The following OCA2 variants were observed in gnomAD, a reference collection of about 807,000 sequenced individuals.
The protein encoded by OCA2 is P protein.
Under a neutral mutation model 100.2 loss-of-function variants are expected in OCA2, and 77 were observed. That is an observed-to-expected ratio of 0.77 (90% CI 0.64 to 0.93). The LOEUF (loss-of-function observed/expected upper bound fraction) is 0.93. OCA2 is among the 40% of genes least tolerant of loss of function. The pLI, the probability that OCA2 is intolerant of heterozygous loss-of-function variation, is 0.00. For missense variants in OCA2, 1,062 were observed against 1,089.1 expected, an observed-to-expected ratio of 0.98 and a Z score of 0.35; for synonymous variants, 432 against 439.2, an observed-to-expected ratio of 0.98 and a Z score of 0.21.
At chr15:27,922,614 AAGAT>A (rs2038897163) in intron 19 of OCA2, among the ~76,000 whole-genome samples, 1 of 152,268 alleles carries the variant, frequency 6.6e-6, no homozygotes, top group South Asian at 2.1e-4. Flanking sequence ...AGGAGTAAAT[AAGAT>A]AGACTAGTAT....
At chr15:27,865,334 T>C in intron 21 of OCA2, among the ~76,000 whole-genome samples, 1 of 152,134 alleles carries the variant, frequency 6.6e-6, no homozygotes, top group East Asian at 1.9e-4. Flanking sequence ...CTTTTTAAGG[T>C]TCTATTCATG....
At chr15:27,743,298 C>A in the OCA2 span, among the ~76,000 whole-genome samples, 2 of 152,264 alleles carry the variant, frequency 1.3e-5, no homozygotes, top group South Asian at 4.1e-4. Context: ...CCAATGGATG[C>A]GGAGACGAGC....
At chr15:27,849,066 A>T (rs925813849) in intron 22 of OCA2, among the ~76,000 whole-genome samples, 3 of 130,060 alleles carry the variant, frequency 2.3e-5, no homozygotes, top group Admixed American at 2.2e-4. Flanking sequence ...ACACAGCCAC[A>T]TGCTGCCTGG....
chr15:27,994,108 C>T (rs574368936), intron 9 of OCA2, among the ~76,000 whole-genome samples: 1 of 152,174 alleles, frequency 6.6e-6, no homozygotes, highest in African/African-American at 2.4e-5. Flanking sequence ...AACCCTGCCA[C>T]GGACTAGTAC....
chr15:27,926,309 C>A, intron 18 of OCA2, 55 bp from the exon 19 acceptor site: 1 of 1,600,100 alleles, frequency 6.2e-7, no homozygotes, highest in South Asian at 1.1e-5. Context: ...CACACCGATT[C>A]ATTTCTTTAA....
chr15:27,847,671 G>T (rs993281912), intron 22 of OCA2, among the ~76,000 whole-genome samples: 3 of 152,196 alleles, frequency 2.0e-5, no homozygotes, highest in Admixed American at 6.5e-5. Context: ...AAGTGTGTCC[G>T]CCAGTGCAAC....
At chr15:27,823,450 C>T (rs1005274679) in intron 23 of OCA2, among the ~76,000 whole-genome samples, 3 of 152,098 alleles carry the variant, frequency 2.0e-5, no homozygotes, top group Non-Finnish European at 4.4e-5. Flanking sequence ...TAATTTTTCC[C>T]AAATAATAAA....
downstream of OCA2, among the ~76,000 whole-genome samples, chr15:27,752,161 G>A (rs997797565): frequency 3.9e-5 from 6 of 152,178 alleles, no homozygotes; most frequent in African/African-American, 1.4e-4. Context: ...ATCCTCGTCT[G>A]CAGCACACAG....
At chr15:27,999,163 A>C (rs2041849521) in intron 9 of OCA2, among the ~76,000 whole-genome samples, 1 of 152,162 alleles carries the variant, frequency 6.6e-6, no homozygotes, top group Non-Finnish European at 1.5e-5. Context: ...ACTAACCTGC[A>C]CATTGTGCAC....
intron 14 of OCA2, among the ~76,000 whole-genome samples, chr15:27,974,695 G>C (rs1480404863): frequency 6.6e-6 from 1 of 152,176 alleles, no homozygotes; most frequent in African/African-American, 2.4e-5. Context: ...TTGAACCCAG[G>C]AGGCGGAGGT....
chr15:27,939,205 G>A (rs1278723423), intron 18 of OCA2, among the ~76,000 whole-genome samples: 1 of 152,220 alleles, frequency 6.6e-6, no homozygotes, highest in Non-Finnish European at 1.5e-5. Context: ...AGGCATCATA[G>A]CTGTTTTCTT....
chr15:27,775,009 T>TTGTAGTC (rs1342205290), intron 23 of OCA2, among the ~76,000 whole-genome samples: 3 of 151,410 alleles, frequency 2.0e-5, no homozygotes, highest in Admixed American at 6.6e-5. Context: ...CCTCTTTAGT[T>TTGTAGTC]TGTAGTTTGT....
At chr15:28,080,951 A>G (rs112118290) in intron 2 of OCA2, among the ~76,000 whole-genome samples, 2,072 of 152,298 alleles carry the variant, frequency 0.014, 46 homozygotes, top group African/African-American at 0.047. Flanking sequence ...TTGCAGCAAC[A>G]TGGATGTAGC....
intron 23 of OCA2, among the ~76,000 whole-genome samples, chr15:27,800,802 CAA>C (rs36031742): frequency 8.2e-4 from 113 of 137,768 alleles, no homozygotes; most frequent in South Asian, 3.5e-3. Context: ...CTATCTCTAC[CAA>C]AAAAAAAAAA....
At chr15:27,929,218 C>A (rs995469634) in intron 18 of OCA2, among the ~76,000 whole-genome samples, 3 of 152,046 alleles carry the variant, frequency 2.0e-5, no homozygotes, top group African/African-American at 7.2e-5. Context: ...TAAAAAAGAA[C>A]AAGGTTTGAG....
chr15:27,866,064 T>C (rs1010812747), intron 21 of OCA2, among the ~76,000 whole-genome samples: 1 of 152,156 alleles, frequency 6.6e-6, no homozygotes, highest in Non-Finnish European at 1.5e-5. Flanking sequence ...TTGCCTTACA[T>C]GACTGGGGGC....
intron 23 of OCA2, among the ~76,000 whole-genome samples, chr15:27,842,427 T>C (rs561794380): frequency 1.7e-4 from 26 of 152,382 alleles, no homozygotes; most frequent in African/African-American, 6.3e-4. Context: ...CATTCTGCAA[T>C]GTGTATCACA....
rs572296217 is a variant in OCA2 at position 27,983,574 on chromosome 15, G to A, written c.1365-91C>T. ...CCAGAGATTTTTAAGGCGCTTGCTCGTATAAGGGAGGCGCGCACACACACA... is the reference window on the plus strand; with the variant it reads ...CCAGAGATTTTTAAGGCGCTTGCTCATATAAGGGAGGCGCGCACACACACA... On this transcript the variant is annotated intron_variant, in intron 13 of 23. Coordinates refer to ENST00000354638, the MANE Select transcript of OCA2 (RefSeq NM_000275.3). 96 of 1,394,294 alleles carry A rather than the reference G, an allele frequency of 6.9e-5. 3 individuals are homozygous for A. The highest frequency in any genetic ancestry group is 6.4e-4 in the South Asian group (55 of 86,598). 86.4% of individuals were successfully genotyped at this position (1,394,294 alleles called of 1,614,324 possible).
In OCA2 at chr15:28,005,622, T is replaced by A. The variant is rs113059475; in HGVS notation, c.1044+9154A>T. On this transcript the variant is annotated intron_variant, in intron 9 of 23. Transcript: ENST00000354638. Reference sequence around the variant, plus strand: ...CCCTCGCATCACACTTCTGTGACCCTTTATTCCATAGTCACCTCTCCCACT... The same window carrying A: ...CCCTCGCATCACACTTCTGTGACCCATTATTCCATAGTCACCTCTCCCACT... Among the ~76,000 whole-genome samples, 531 of 152,240 alleles carry A rather than the reference T, an allele frequency of 3.5e-3. 3 individuals are homozygous for A. Among genetic ancestry groups the A allele is most frequent in the African/African-American group, 0.012 (514 of 41,538 alleles).
Sources: gnomAD v4.1 joint callset for allele counts (sites outside exome capture counted in the v4.1 genomes callset) on GRCh38, gnomAD v4.1.1 for gene constraint, MANE v1.5 for transcripts, NCBI Gene and HGNC (gene_info 2026-07-23, HGNC 2026-07-21) for gene names.